Variants in ESRRG observed in about 807,000 individuals in gnomAD.
ESRRG encodes estrogen-related receptor gamma.
In ESRRG, 13 loss-of-function variants were observed where a neutral mutation model predicts 44.0. The observed-to-expected ratio is 0.30, with a 90% CI of 0.19 to 0.47. The LOEUF is 0.47. ESRRG is among the 20% of genes least tolerant of loss of function. The probability of loss-of-function intolerance (pLI) is 1.00; values close to 1 mark genes in which losing one functional copy is unlikely to be tolerated. For missense variants in ESRRG, 395 were observed against 580.6 expected, an observed-to-expected ratio of 0.68 and a Z score of 3.29; for synonymous variants, 215 against 214.6, an observed-to-expected ratio of 1.00 and a Z score of -0.02.
At chr1:216,869,162 T>C (rs1291682680) in intron 2 of ESRRG, among the ~76,000 whole-genome samples, 4 of 152,164 alleles carry the variant, frequency 2.6e-5, no homozygotes, top group African/African-American at 4.8e-5. Flanking sequence ...TAGTTTTCTC[T>C]TATGTTGTCT....
intron 1 of ESRRG, among the ~76,000 whole-genome samples, chr1:217,101,803 T>A (rs201457904): frequency 3.5e-5 from 5 of 142,388 alleles, no homozygotes; most frequent in Non-Finnish European, 6.2e-5. Flanking sequence ...TTTTTTTTTT[T>A]ATTTTATTTG....
At chr1:216,909,335 G>A (rs1022871553) in intron 2 of ESRRG, among the ~76,000 whole-genome samples, 2 of 152,098 alleles carry the variant, frequency 1.3e-5, no homozygotes, top group African/African-American at 4.8e-5. Context: ...ATGAAAGTAA[G>A]AGCACAGGGA....
chr1:217,048,256 G>T (rs373418042), intron 1 of ESRRG, among the ~76,000 whole-genome samples: 3 of 152,148 alleles, frequency 2.0e-5, no homozygotes, highest in East Asian at 3.9e-4. Context: ...GGTTAGAGAG[G>T]CCACAGAGGG....
At chr1:216,892,365 T>C (rs1219195462) in intron 2 of ESRRG, among the ~76,000 whole-genome samples, 1 of 152,170 alleles carries the variant, frequency 6.6e-6, no homozygotes, top group East Asian at 1.9e-4. Flanking sequence ...GCATACTTCC[T>C]GATTTTTGGT....
At chr1:216,906,565 C>T (rs1387572362) in intron 2 of ESRRG, among the ~76,000 whole-genome samples, 1 of 152,130 alleles carries the variant, frequency 6.6e-6, no homozygotes. Context: ...AGCCAAATTG[C>T]CTCATAGACT....
chr1:216,927,303 G>A (rs996963428), intron 2 of ESRRG, among the ~76,000 whole-genome samples: 1 of 152,174 alleles, frequency 6.6e-6, no homozygotes, highest in Non-Finnish European at 1.5e-5. Context: ...GAAGGGACCT[G>A]CCTGCTAATC....
rs188564475 is a variant in ESRRG, at chr1:216,548,104, T to C, written c.862+16115A>G. Among the ~76,000 whole-genome samples the C allele has an allele frequency of 4.8e-3, 726 of 152,122 alleles. 6 individuals are homozygous for C. Among genetic ancestry groups the C allele is most frequent in the African/African-American group, 0.016 (685 of 41,540 alleles). On this transcript the variant is annotated intron_variant, in intron 5 of 6. Transcript: ENST00000408911. ...ATCGGTTTTGCAGAAAGAAAAACAATGCCGGAAATCAAACTTTGAGTGGAT... is the reference window on the plus strand; with the variant it reads ...ATCGGTTTTGCAGAAAGAAAAACAACGCCGGAAATCAAACTTTGAGTGGAT...
At chr1:217,015,162 C>T (rs12759670) in intron 1 of ESRRG, among the ~76,000 whole-genome samples, 22,506 of 152,142 alleles carry the variant, frequency 0.15, 2,163 homozygotes, top group East Asian at 0.21. Context: ...TGCAGAACCC[C>T]ATATAGGTTA....
chr1:216,987,670 G>C (rs957976370), intron 1 of ESRRG, among the ~76,000 whole-genome samples: 50 of 152,232 alleles, frequency 3.3e-4, no homozygotes, highest in African/African-American at 1.2e-3. Context: ...GCACTCCCTG[G>C]GAACAGCAGG....
At chr1:216,736,429 C>T (rs1303821185) in intron 2 of ESRRG, among the ~76,000 whole-genome samples, 1 of 151,924 alleles carries the variant, frequency 6.6e-6, no homozygotes, top group Non-Finnish European at 1.5e-5. Context: ...GTGATCCACC[C>T]GCCTCGGCCT....
chr1:216,984,360 A>G (rs1464704947), intron 1 of ESRRG, among the ~76,000 whole-genome samples: 1 of 152,202 alleles, frequency 6.6e-6, no homozygotes, highest in African/African-American at 2.4e-5. Flanking sequence ...CATGCAAAAT[A>G]GCTCCCTAAA....
At chr1:216,740,663 AAG>A (rs200576230) in intron 2 of ESRRG, among the ~76,000 whole-genome samples, 2 of 152,184 alleles carry the variant, frequency 1.3e-5, no homozygotes, top group East Asian at 3.9e-4. Context: ...GAAAAAAAGA[AAG>A]AAATTGTAAC....
chr1:216,834,850 G>A (rs1355734454), intron 2 of ESRRG, among the ~76,000 whole-genome samples: 1 of 152,172 alleles, frequency 6.6e-6, no homozygotes, highest in Non-Finnish European at 1.5e-5. Flanking sequence ...GTGTCGATAA[G>A]GAAAAGGCCA....
chr1:216,744,798 T>A (rs925483392), intron 2 of ESRRG, among the ~76,000 whole-genome samples: 5 of 152,208 alleles, frequency 3.3e-5, no homozygotes, highest in Admixed American at 3.3e-4. Context: ...TCAGCCTTCA[T>A]GATGTCGTCT....
chr1:216,561,048 C>T (rs1230997404), intron 5 of ESRRG, among the ~76,000 whole-genome samples: 2 of 151,922 alleles, frequency 1.3e-5, no homozygotes, highest in African/African-American at 2.4e-5. Flanking sequence ...TTTTTTTCTT[C>T]TAGAGATAAA....
intron 2 of ESRRG, among the ~76,000 whole-genome samples, chr1:216,781,315 G>T (rs977109043): frequency 7.2e-5 from 11 of 151,894 alleles, no homozygotes; most frequent in Non-Finnish European, 1.6e-4. Context: ...ATCTTTGCTG[G>T]AGAGTAAGGC....
chr1:217,121,189 A>C (rs1001488366), intron 1 of ESRRG, among the ~76,000 whole-genome samples: 2 of 152,098 alleles, frequency 1.3e-5, no homozygotes, highest in African/African-American at 4.8e-5. Context: ...AGCAGATACA[A>C]AAAGAAATGC....
chr1:216,752,474 A>G (rs1274278534), intron 2 of ESRRG, among the ~76,000 whole-genome samples: 2 of 152,160 alleles, frequency 1.3e-5, no homozygotes, highest in Non-Finnish European at 2.9e-5. Context: ...AGGAATGAAT[A>G]CTTTACTTTT....
rs143870996 is a variant in ESRRG, at chr1:216,628,153, A to G, written c.589+22820T>C. Among the ~76,000 whole-genome samples, 4 of 152,348 alleles carry G rather than the reference A, an allele frequency of 2.6e-5. No individual in the cohort carries two copies. The East Asian group carries it at 7.7e-4, about 29-fold the overall frequency. ...AAGTATCTTAGAGTCTAGAGCCACA[A>G]ATATTAATTCATGTCCTTTCTATAC... is the stretch of plus-strand genomic sequence containing the variant. On this transcript the variant is annotated intron_variant, in intron 3 of 6. Transcript: ENST00000408911.
Sources: gnomAD v4.1 joint callset for allele counts (sites outside exome capture counted in the v4.1 genomes callset) on GRCh38, gnomAD v4.1.1 for gene constraint, MANE v1.5 for transcripts, NCBI Gene and HGNC (gene_info 2026-07-23, HGNC 2026-07-21) for gene names.